Variants in DCAF6 observed in about 807,000 individuals in gnomAD.
The protein encoded by DCAF6 is DDB1- and CUL4-associated factor 6.
In DCAF6, 54 loss-of-function variants were observed where a neutral mutation model predicts 125.1. The ratio of observed to expected loss-of-function variants is 0.43; its 90% confidence interval spans 0.35 to 0.54. The LOEUF is 0.54. Among genes scored for constraint, DCAF6 ranks in the 20% least tolerant of loss-of-function variants. The pLI is 0.01. For synonymous variants in DCAF6, 371 were observed against 390.4 expected (o/e 0.95, Z 0.58); for missense variants, 934 against 1,161.7 (o/e 0.80, Z 2.85).
intron 17 of DCAF6, among the ~76,000 whole-genome samples, chr1:168,060,916 T>G (rs1056390546): frequency 2.0e-5 from 3 of 152,204 alleles, no homozygotes; most frequent in African/African-American, 7.2e-5. Context: ...TTGCATAATT[T>G]TTTTCTCATT....
At chr1:168,014,697 A>G (rs1251367529) in intron 10 of DCAF6, among the ~76,000 whole-genome samples, 1 of 152,242 alleles carries the variant, frequency 6.6e-6, no homozygotes, top group Non-Finnish European at 1.5e-5. Flanking sequence ...CCAAACTATC[A>G]GCAAATTCTA....
intron 2 of DCAF6, among the ~76,000 whole-genome samples, chr1:167,962,157 G>A (rs1675709467): frequency 6.6e-6 from 1 of 152,102 alleles, no homozygotes; most frequent in East Asian, 1.9e-4. Context: ...TTAGAGGACT[G>A]TATATTCTGC....
chr1:168,042,225 T>G (rs985238721), intron 13 of DCAF6, among the ~76,000 whole-genome samples: 11 of 152,034 alleles, frequency 7.2e-5, no homozygotes, highest in Non-Finnish European at 1.0e-4. Flanking sequence ...AAATCTTACT[T>G]TTTTTCTTGT....
the DCAF6 span, among the ~76,000 whole-genome samples, chr1:167,882,841 G>A: frequency 2.0e-5 from 3 of 152,114 alleles, no homozygotes; most frequent in African/African-American, 7.2e-5. Context: ...CCTTGTCCTG[G>A]TATCCTAATC....
At chr1:167,976,598 G>T (rs1678220499) in intron 4 of DCAF6, among the ~76,000 whole-genome samples, 1 of 152,104 alleles carries the variant, frequency 6.6e-6, no homozygotes, top group Non-Finnish European at 1.5e-5. Flanking sequence ...GGTTACCCCA[G>T]CTACTTTCAC....
the DCAF6 span, chr1:167,883,624 T>C: frequency 6.2e-7 from 1 of 1,614,204 alleles, no homozygotes; most frequent in Non-Finnish European, 8.5e-7. Flanking sequence ...CTGTTTGTTA[T>C]CAATCTGCAA....
the DCAF6 span, among the ~76,000 whole-genome samples, chr1:167,889,616 C>A: frequency 6.6e-6 from 1 of 152,106 alleles, no homozygotes; most frequent in Non-Finnish European, 1.5e-5. Flanking sequence ...ATTCCCTCCT[C>A]TTCTATGTTT....
At chr1:167,911,402 T>C in the DCAF6 span, among the ~76,000 whole-genome samples, 1 of 152,288 alleles carries the variant, frequency 6.6e-6, no homozygotes, top group Non-Finnish European at 1.5e-5. Context: ...ATATTTGCCC[T>C]GGCATGCTTA....
At position 167,943,646 on chromosome 1, in the gene DCAF6, C is replaced by G. The variant is rs1042311541; in HGVS notation, c.97+6638C>G. ...GAATAACGTTCTTTGTCCTCATTAA[C>G]GAATTTCTCATCATCCTCCCACCTC... On this transcript the variant is annotated intron_variant, in intron 1 of 21. Transcript: ENST00000367840. Among the ~76,000 whole-genome samples, 3 of 152,126 alleles carry G rather than the reference C, an allele frequency of 2.0e-5. No homozygotes were observed. In the East Asian group the frequency reaches 5.8e-4, roughly 29 times the overall value.
At chr1:167,883,689 C>T in the DCAF6 span, 9 of 1,515,452 alleles carry the variant, frequency 5.9e-6, no homozygotes, top group Admixed American at 5.0e-5. Context: ...CCCCCAACAC[C>T]GCCCCCACCT....
the DCAF6 span, among the ~76,000 whole-genome samples, chr1:167,910,466 G>A: frequency 7.7e-4 from 118 of 152,342 alleles, 1 homozygote; most frequent in South Asian, 0.023. Flanking sequence ...TGTGGGGTAA[G>A]TGGTGGACGT....
In DCAF6 at chr1:167,936,865, C is replaced by CCA; in HGVS notation, c.-46_-45insAC. ...AACGGGTGTCCCCTCCCCCTCCTCC[C>CCA]CTCCCCCACGCGGTGGTCTCCCCTC... is the stretch of plus-strand genomic sequence containing the variant. On this transcript the variant is annotated 5_prime_UTR_variant, in exon 1 of 22. Coordinates refer to ENST00000367840, the MANE Select transcript of DCAF6 (RefSeq NM_001198956.2). 1 of 1,480,148 alleles carries CCA rather than the reference C, an allele frequency of 6.8e-7. No homozygotes were observed. The highest frequency in any genetic ancestry group is 9.2e-7 in the Non-Finnish European group (1 of 1,083,466). The allele number at this position is 1,480,148 out of a possible 1,614,324, so 91.7% of individuals were successfully genotyped here.
At chr1:168,064,275 T>C (rs1044418045) in intron 18 of DCAF6, among the ~76,000 whole-genome samples, 1 of 152,102 alleles carries the variant, frequency 6.6e-6, no homozygotes, top group African/African-American at 2.4e-5. Flanking sequence ...ATCTCTAAGA[T>C]CTTTTGTAGT....
At chr1:167,907,383 C>T in the DCAF6 span, among the ~76,000 whole-genome samples, 43 of 152,358 alleles carry the variant, frequency 2.8e-4, no homozygotes, top group African/African-American at 8.9e-4. Context: ...GCTCACACTA[C>T]ATGTCCCTTG....
chr1:167,998,478 T>A (rs1192197033), intron 7 of DCAF6, among the ~76,000 whole-genome samples: 8 of 152,142 alleles, frequency 5.3e-5, no homozygotes, highest in Non-Finnish European at 1.0e-4. Flanking sequence ...TCATAAAAGA[T>A]GTATTTGTAG....
chr1:167,962,297 C>T (rs186590505), intron 2 of DCAF6, among the ~76,000 whole-genome samples: 25 of 152,000 alleles, frequency 1.6e-4, no homozygotes, highest in Non-Finnish European at 2.9e-4. Context: ...ATTGAAGTCT[C>T]CAGGTATCAT....
intron 12 of DCAF6, among the ~76,000 whole-genome samples, chr1:168,031,480 G>C (rs1687084325): frequency 6.6e-6 from 1 of 152,128 alleles, no homozygotes; most frequent in Non-Finnish European, 1.5e-5. Flanking sequence ...TAGAGTGATA[G>C]AGACATAGGC....
intron 21 of DCAF6, among the ~76,000 whole-genome samples, chr1:168,072,995 G>GATCC (rs1693310111): frequency 2.0e-5 from 3 of 152,094 alleles, no homozygotes; most frequent in Admixed American, 2.0e-4. Flanking sequence ...GGCTAACATG[G>GATCC]TGAAACCCCA....
chr1:168,050,989 C>T, intron 17 of DCAF6, 56 bp downstream of exon 17: 1 of 920,188 alleles, frequency 1.1e-6, no homozygotes, highest in Non-Finnish European at 1.5e-6. Context: ...GCCAGGTCTT[C>T]TTTTGCCACA....
Sources: allele counts gnomAD v4.1 joint callset (sites outside exome capture counted in the v4.1 genomes callset), GRCh38; gene constraint gnomAD v4.1.1; transcripts MANE v1.5; gene names NCBI Gene and HGNC (gene_info 2026-07-23, HGNC 2026-07-21).